Variants in CUBN observed in about 807,000 individuals in gnomAD.
CUBN encodes the protein 460 kDa receptor.
Under a neutral mutation model 405.3 loss-of-function variants are expected in CUBN, and 282 were observed. That is an observed-to-expected ratio of 0.70 (90% confidence interval 0.63 to 0.77). CUBN has a LOEUF of 0.77. CUBN is among the 30% of genes least tolerant of loss of function. The probability of loss-of-function intolerance (pLI) is 0.00; values close to 1 mark genes in which losing one functional copy is unlikely to be tolerated. For missense variants in CUBN, 4,514 were observed against 4,475.2 expected, an observed-to-expected ratio of 1.01 and a Z score of -0.25; for synonymous variants, 1,684 against 1,617.0, an observed-to-expected ratio of 1.04 and a Z score of -0.99.
intron 28 of CUBN, among the ~76,000 whole-genome samples, chr10:17,003,304 G>C (rs1833938937): frequency 1.3e-5 from 2 of 152,088 alleles, no homozygotes; most frequent in Admixed American, 1.3e-4. Context: ...CACTGTGAAA[G>C]CAATTCCATT....
intron 14 of CUBN, among the ~76,000 whole-genome samples, chr10:17,091,907 T>C (rs1206361071): frequency 6.6e-6 from 1 of 152,182 alleles, no homozygotes; most frequent in Non-Finnish European, 1.5e-5. Context: ...ATTTGAACAA[T>C]GGGCCACTCT....
At chr10:16,918,964 A>G (rs1413389730) in intron 44 of CUBN, among the ~76,000 whole-genome samples, 164 bp from the exon 45 acceptor site, 1 of 152,246 alleles carries the variant, frequency 6.6e-6, no homozygotes, top group African/African-American at 2.4e-5. Context: ...ATGCTGTATG[A>G]TATTTTTCCT....
At chr10:16,852,875 G>A (rs1412925381) in intron 59 of CUBN, among the ~76,000 whole-genome samples, 3 of 152,170 alleles carry the variant, frequency 2.0e-5, no homozygotes, top group African/African-American at 7.2e-5. Context: ...ATAGAAAGAG[G>A]CTGAGAGGCA....
intron 34 of CUBN, among the ~76,000 whole-genome samples, chr10:16,949,006 G>A (rs1383298138): frequency 6.6e-6 from 1 of 152,180 alleles, no homozygotes; most frequent in Non-Finnish European, 1.5e-5. Flanking sequence ...CCCTGGCTCA[G>A]CCATTTGCTA....
chr10:17,019,717 A>C, intron 28 of CUBN, 116 bp downstream of exon 28: 20 of 1,216,326 alleles, frequency 1.6e-5, no homozygotes, highest in Admixed American at 1.7e-5. Context: ...GCATGAGATT[A>C]CTACCTGGGT....
intron 31 of CUBN, among the ~76,000 whole-genome samples, chr10:16,962,430 T>A (rs1404008138): frequency 6.6e-6 from 1 of 151,314 alleles, no homozygotes; most frequent in East Asian, 1.9e-4. Context: ...AAGTGAAAAT[T>A]TTCCAACTGG....
intron 63 of CUBN, among the ~76,000 whole-genome samples, chr10:16,835,931 A>C (rs1340810694): frequency 6.6e-6 from 1 of 152,188 alleles, no homozygotes; most frequent in Non-Finnish European, 1.5e-5. Flanking sequence ...ATGTATATTC[A>C]ATGTGGTTAA....
At chr10:17,065,959 C>A (rs1835605384) in intron 21 of CUBN, among the ~76,000 whole-genome samples, 1 of 152,030 alleles carries the variant, frequency 6.6e-6, no homozygotes, top group African/African-American at 2.4e-5. Context: ...TAAACTTATA[C>A]AACAAAGGGA....
At chr10:16,839,103 A>G (rs1036028736) in intron 62 of CUBN, among the ~76,000 whole-genome samples, 1 of 152,192 alleles carries the variant, frequency 6.6e-6, no homozygotes, top group Non-Finnish European at 1.5e-5. Context: ...AGCATGGTCC[A>G]TGGAGTTCTG....
chr10:16,933,497 T>C (rs1195567851), intron 39 of CUBN, among the ~76,000 whole-genome samples: 1 of 152,162 alleles, frequency 6.6e-6, no homozygotes, highest in African/African-American at 2.4e-5. Context: ...TGCATTGTGT[T>C]CTCCATTTTC....
chr10:17,086,060 G>A (rs1262825901), intron 15 of CUBN, among the ~76,000 whole-genome samples: 2 of 151,282 alleles, frequency 1.3e-5, no homozygotes, highest in Admixed American at 6.6e-5. Context: ...CCACCTCCCA[G>A]GTTCAAGCAA....
At chr10:16,872,286 C>A (rs141190385) in intron 58 of CUBN, among the ~76,000 whole-genome samples, 3 of 151,526 alleles carry the variant, frequency 2.0e-5, no homozygotes, top group African/African-American at 7.3e-5. Context: ...ATGTAAATTT[C>A]ATTATGGTGA....
chr10:17,034,249 G>A lies in CUBN; in HGVS notation c.4017+6784C>T, dbSNP rs138294466. ...TCAAGGTGCCCGATAAGGAAAAGGG[G>A]GAGAAAGTTTAGAATCAGAATACAA... On this transcript the variant is annotated intron_variant, in intron 27 of 66. Coordinates refer to ENST00000377833, the MANE Select transcript of CUBN (RefSeq NM_001081.4). Among the ~76,000 whole-genome samples, 1,128 of 152,280 alleles carry A rather than the reference G, an allele frequency of 7.4e-3. 1 individual carries two copies. The highest frequency in any genetic ancestry group is 0.012 in the Non-Finnish European group (843 of 68,012).
rs1301002083 is a variant in CUBN at position 17,110,999 on chromosome 10, T to C, written c.935A>G (p.Asn312Ser). ...TGGAGCCACAGAACAGCCGCCGTTA[T>C]TTATCTCACATTCATTGATATCTTC... ...ICEDINECEI[N>S]NGGCSVAPPV... Residue 312 changes from asparagine (N) to serine (S), a missense_variant, in exon 9 of 67, where the codon AAT becomes AGT. Coordinates refer to ENST00000377833, the MANE Select transcript of CUBN (RefSeq NM_001081.4). 8 of 1,614,076 alleles carry C rather than the reference T, an allele frequency of 5.0e-6. No individual in the cohort carries two copies. Among genetic ancestry groups the C allele is most frequent in the African/African-American group, 1.3e-5 (1 of 74,924 alleles).
intron 28 of CUBN, among the ~76,000 whole-genome samples, chr10:17,002,696 C>T (rs7094474): frequency 0.4 from 60,802 of 151,938 alleles, 12,457 homozygotes; most frequent in East Asian, 0.59. Flanking sequence ...TCTGCATATG[C>T]ACAGCTTTAA....
At chr10:16,911,865 A>G (rs566468902) in intron 48 of CUBN, among the ~76,000 whole-genome samples, 1 of 152,336 alleles carries the variant, frequency 6.6e-6, no homozygotes, top group South Asian at 2.1e-4. Context: ...ATTTATAACC[A>G]GAAAAATAGA....
At chr10:17,105,799 G>A (rs1291019052) in intron 10 of CUBN, among the ~76,000 whole-genome samples, 1 of 152,142 alleles carries the variant, frequency 6.6e-6, no homozygotes, top group Non-Finnish European at 1.5e-5. Context: ...ACACATTATT[G>A]ACGTACTGGG....
At chr10:16,862,678 T>A (rs2131356175) in intron 59 of CUBN, among the ~76,000 whole-genome samples, 1 of 152,354 alleles carries the variant, frequency 6.6e-6, no homozygotes, top group South Asian at 2.1e-4. Flanking sequence ...ATATTTTGTT[T>A]TTATGTTCCT....
At chr10:16,904,820 G>C (rs796667) in intron 50 of CUBN, among the ~76,000 whole-genome samples, 3 of 152,076 alleles carry the variant, frequency 2.0e-5, no homozygotes. Flanking sequence ...TTCTGCTTAA[G>C]ACCACAAGCC....
Sources: gnomAD v4.1 joint callset for allele counts (sites outside exome capture counted in the v4.1 genomes callset) on GRCh38, gnomAD v4.1.1 for gene constraint, MANE v1.5 for transcripts, NCBI Gene and HGNC (gene_info 2026-07-23, HGNC 2026-07-21) for gene names.